Variants in LRBA observed in about 807,000 individuals in gnomAD.
The protein encoded by LRBA is lipopolysaccharide-responsive and beige-like anchor protein.
In LRBA, 176 loss-of-function variants were observed where a neutral mutation model predicts 330.0. The observed-to-expected ratio is 0.53, with a 90% CI of 0.47 to 0.60. The LOEUF is 0.60. LRBA is among the 20% of genes least tolerant of loss of function. The pLI, the probability that LRBA is intolerant of heterozygous loss-of-function variation, is 0.00. For synonymous variants in LRBA, 1,230 were observed against 1,193.0 expected (o/e 1.03, Z -0.64); for missense variants, 3,259 against 3,444.8 (o/e 0.95, Z 1.35).
At chr4:150,432,628 G>A (rs374151143) in intron 46 of LRBA, among the ~76,000 whole-genome samples, 22 of 151,408 alleles carry the variant, frequency 1.5e-4, no homozygotes, top group African/African-American at 5.1e-4. Context: ...TGTATTTTTA[G>A]TAGAGACGGA....
chr4:150,313,845 T>C (rs554866134), intron 51 of LRBA, among the ~76,000 whole-genome samples: 13 of 92,174 alleles, frequency 1.4e-4, no homozygotes, highest in Admixed American at 1.2e-3. Flanking sequence ...ATAATGTATA[T>C]ATATATATAT....
At chr4:150,529,122 A>G (rs753427749) in intron 40 of LRBA, among the ~76,000 whole-genome samples, 1 of 152,234 alleles carries the variant, frequency 6.6e-6, no homozygotes, top group Non-Finnish European at 1.5e-5. Flanking sequence ...ATTTTCATAC[A>G]GCAAAATCAT....
chr4:150,480,696 T>C (rs1757200792), intron 42 of LRBA, among the ~76,000 whole-genome samples: 1 of 152,194 alleles, frequency 6.6e-6, no homozygotes, highest in Non-Finnish European at 1.5e-5. Context: ...TAATTTTTTA[T>C]ATTTATTTAA....
intron 47 of LRBA, among the ~76,000 whole-genome samples, chr4:150,377,307 T>C (rs144693046): frequency 6.6e-6 from 1 of 152,144 alleles, no homozygotes; most frequent in Admixed American, 6.6e-5. Flanking sequence ...CTTTCAAACA[T>C]GGAAGAGGCA....
chr4:150,507,065 A>G (rs1485818256), intron 40 of LRBA, among the ~76,000 whole-genome samples: 2 of 151,700 alleles, frequency 1.3e-5, no homozygotes, highest in African/African-American at 4.8e-5. Context: ...CCACTGCTCA[A>G]TGAAATAAAA....
chr4:150,700,359 T>C (rs1453599881), intron 36 of LRBA, among the ~76,000 whole-genome samples: 3 of 152,056 alleles, frequency 2.0e-5, no homozygotes, highest in African/African-American at 4.8e-5. Flanking sequence ...TATACCACAA[T>C]GGTAAGTATT....
chr4:150,777,592 C>A (rs1737570290), intron 34 of LRBA, among the ~76,000 whole-genome samples: 1 of 152,034 alleles, frequency 6.6e-6, no homozygotes, highest in African/African-American at 2.4e-5. Context: ...CCTAGGAGTT[C>A]AGGGAGAAAG....
At chr4:150,954,151 G>A (rs1264831713) in intron 2 of LRBA, among the ~76,000 whole-genome samples, 1 of 149,706 alleles carries the variant, frequency 6.7e-6, no homozygotes, top group East Asian at 2.0e-4. Context: ...GGAGGTGGGG[G>A]GCAGCCCCCG....
At chr4:150,787,834 T>C (rs1001617591) in intron 34 of LRBA, among the ~76,000 whole-genome samples, 19 of 152,218 alleles carry the variant, frequency 1.2e-4, no homozygotes, top group Non-Finnish European at 2.8e-4. Context: ...ACCATCCTTC[T>C]CTACTATCTC....
chr4:150,355,260 T>C (rs967436431), intron 47 of LRBA, among the ~76,000 whole-genome samples: 3 of 152,068 alleles, frequency 2.0e-5, no homozygotes, highest in Admixed American at 1.3e-4. Flanking sequence ...TTTTTGCCAA[T>C]GTAAAAATCA....
At chr4:150,601,603 T>G (rs887451330) in intron 37 of LRBA, among the ~76,000 whole-genome samples, 2 of 152,192 alleles carry the variant, frequency 1.3e-5, no homozygotes, top group African/African-American at 2.4e-5. Flanking sequence ...ACTGAGAATT[T>G]GTTCACATAA....
Position 150,583,636 on chromosome 4 carries a change from G to A in LRBA, c.6330+4412C>T, listed in dbSNP as rs759148011. ...GCCCGGCCCCAATCGGGTGGCCGAG[G>A]TCAAGGCCGAAGGGTTCAACTTGCT... On this transcript the variant is annotated intron_variant, in intron 40 of 56. Coordinates refer to ENST00000651943, the MANE Select transcript of LRBA (RefSeq NM_001364905.1). This position sits in a 1 kb window ranked among gnomAD's most constrained non-coding sequence, Gnocchi z 9.8. 7 of 1,613,974 alleles carry A rather than the reference G, an allele frequency of 4.3e-6. No homozygotes were observed. The highest frequency in any genetic ancestry group is 5.9e-6 in the Non-Finnish European group (7 of 1,180,006).
intron 40 of LRBA, among the ~76,000 whole-genome samples, chr4:150,522,074 TTATCC>T (rs1762975378): frequency 6.6e-6 from 1 of 152,194 alleles, no homozygotes; most frequent in South Asian, 2.1e-4. Context: ...CACAAAATTA[TTATCC>T]TATAATTCTG....
chr4:150,593,773 C>A (rs1172624504), intron 38 of LRBA, among the ~76,000 whole-genome samples: 1 of 152,002 alleles, frequency 6.6e-6, no homozygotes, highest in Non-Finnish European at 1.5e-5. Context: ...TCCTAAAGTA[C>A]ACCAAGCTTA....
At chr4:150,952,090 C>T (rs187662204) in intron 2 of LRBA, among the ~76,000 whole-genome samples, 382 of 152,328 alleles carry the variant, frequency 2.5e-3, no homozygotes, top group African/African-American at 8.5e-3. Context: ...CCACTACCAA[C>T]TCCAAATCAT....
intron 44 of LRBA, among the ~76,000 whole-genome samples, chr4:150,455,442 C>T (rs1011162191): frequency 6.6e-6 from 1 of 152,014 alleles, no homozygotes; most frequent in African/African-American, 2.4e-5. Context: ...CCATGGAATA[C>T]TATGCAGCCA....
chr4:150,666,697 T>C (rs1415079949), intron 37 of LRBA, among the ~76,000 whole-genome samples: 1 of 152,176 alleles, frequency 6.6e-6, no homozygotes, highest in African/African-American at 2.4e-5. Context: ...TTGGTATTCA[T>C]GCGGGCCCTG....
At chr4:150,988,018 A>C in intron 2 of LRBA, among the ~76,000 whole-genome samples, 1 of 151,826 alleles carries the variant, frequency 6.6e-6, no homozygotes, top group Admixed American at 6.6e-5. Flanking sequence ...AAAAAAAAAA[A>C]AGTGCATTCG....
At position 150,739,861 on chromosome 4, in the gene LRBA, C is replaced by A. The variant is rs186710646; in HGVS notation, c.5646-4495G>T. On this transcript the variant is annotated intron_variant, in intron 35 of 56. Coordinates refer to ENST00000651943, the MANE Select transcript of LRBA (RefSeq NM_001364905.1). ...CAATCACATGATCATGGAAGCAGAT[C>A]CTTTCCTAGTCAAACATCAAATAAG... is the stretch of plus-strand genomic sequence containing the variant. Among the ~76,000 whole-genome samples, 26 of 152,278 alleles carry A rather than the reference C, an allele frequency of 1.7e-4. No homozygotes were observed. The East Asian group carries it at 4.4e-3, about 26-fold the overall frequency.
Sources: gnomAD v4.1 joint callset for allele counts (sites outside exome capture counted in the v4.1 genomes callset) on GRCh38, gnomAD v4.1.1 for gene constraint, Gnocchi (gnomAD v3.1) non-coding constraint, MANE v1.5 for transcripts, NCBI Gene and HGNC (gene_info 2026-07-23, HGNC 2026-07-21) for gene names.